Variants in PHACTR2 observed in about 807,000 individuals in gnomAD.
PHACTR2 encodes the protein chromosome 6 open reading frame 56.
Under a neutral mutation model 76.0 loss-of-function variants are expected in PHACTR2, and 30 were observed. The observed-to-expected ratio is 0.39, with a 90% CI of 0.30 to 0.54. PHACTR2 has a LOEUF of 0.54. PHACTR2 is among the 20% of genes least tolerant of loss of function. The probability of loss-of-function intolerance (pLI) is 0.61; values close to 1 mark genes in which losing one functional copy is unlikely to be tolerated. For missense variants in PHACTR2, 696 were observed against 781.1 expected, an observed-to-expected ratio of 0.89 and a Z score of 1.30; for synonymous variants, 292 against 292.5, an observed-to-expected ratio of 1.00 and a Z score of 0.02.
chr6:143,805,963 G>A (rs1776054374), intron 11 of PHACTR2, among the ~76,000 whole-genome samples: 1 of 152,130 alleles, frequency 6.6e-6, no homozygotes, highest in South Asian at 2.1e-4. Context: ...CAACCACAAA[G>A]AAGACTTTTT....
At chr6:143,699,884 G>A (rs1168442537) in intron 1 of PHACTR2, among the ~76,000 whole-genome samples, 1 of 152,126 alleles carries the variant, frequency 6.6e-6, no homozygotes, top group Admixed American at 6.5e-5. Flanking sequence ...GGGAGCCTTG[G>A]GGACTCCGTA....
intron 2 of PHACTR2, among the ~76,000 whole-genome samples, chr6:143,717,107 C>T (rs1471134591): frequency 6.6e-6 from 1 of 152,196 alleles, no homozygotes; most frequent in Non-Finnish European, 1.5e-5. Context: ...TCTATTCGTC[C>T]ATAGCTCTTG....
At chr6:143,563,958 C>G (rs1041676828) in intron 1 of PHACTR2, among the ~76,000 whole-genome samples, 1 of 151,686 alleles carries the variant, frequency 6.6e-6, no homozygotes, top group Non-Finnish European at 1.5e-5. Context: ...GAGCTGAGAT[C>G]GTGTCACTGC....
chr6:143,587,453 C>T (rs1009747326), intron 1 of PHACTR2, among the ~76,000 whole-genome samples: 5 of 151,904 alleles, frequency 3.3e-5, no homozygotes, highest in African/African-American at 9.7e-5. Context: ...CATACTAGAG[C>T]GATACAATAA....
chr6:143,619,926 T>C lies in PHACTR2; in HGVS notation c.13+11604T>C, dbSNP rs146411666. Among the ~76,000 whole-genome samples the C allele has an allele frequency of 6.6e-6, 1 of 151,352 alleles. No homozygotes were observed. The highest frequency in any genetic ancestry group is 1.9e-4 in the East Asian group (1 of 5,182). On this transcript the variant is annotated intron_variant, in intron 1 of 11. Transcript: ENST00000305766. The surrounding 1 kb of genome is among the most constrained non-coding windows in gnomAD (Gnocchi z 4.5). Reference sequence around the variant, plus strand: ...TCACAGCGCCGATCATGCTTGCTTGTGGTACTTACAGAACATGTCACTCGG... The same window carrying C: ...TCACAGCGCCGATCATGCTTGCTTGCGGTACTTACAGAACATGTCACTCGG...
intron 11 of PHACTR2, among the ~76,000 whole-genome samples, chr6:143,799,591 G>C (rs1007157364): frequency 2.0e-5 from 3 of 152,142 alleles, no homozygotes; most frequent in Non-Finnish European, 2.9e-5. Flanking sequence ...TTGTGTCTTT[G>C]TTCTCATTGG....
At chr6:143,606,284 T>C (rs1775869497), upstream of PHACTR2, among the ~76,000 whole-genome samples, 1 of 152,194 alleles carries the variant, frequency 6.6e-6, no homozygotes, top group African/African-American at 2.4e-5. Flanking sequence ...TAAAACTTTC[T>C]GGATTTTAGA....
At chr6:143,563,624 T>C (rs1018646924) in intron 1 of PHACTR2, among the ~76,000 whole-genome samples, 1 of 151,610 alleles carries the variant, frequency 6.6e-6, no homozygotes, top group African/African-American at 2.4e-5. Context: ...ATCAGTAAGA[T>C]TCCATCAACA....
At chr6:143,540,200 T>C (rs1032036726) in intron 1 of PHACTR2, among the ~76,000 whole-genome samples, 1 of 152,214 alleles carries the variant, frequency 6.6e-6, no homozygotes, top group Non-Finnish European at 1.5e-5. Flanking sequence ...TAAGGGATAA[T>C]TTCTAATCAT....
At position 143,739,188 on chromosome 6, in the gene PHACTR2, C is replaced by T. The variant is rs1246129066; in HGVS notation, c.215-9797C>T. On this transcript the variant is annotated intron_variant, in intron 2 of 12. Coordinates refer to ENST00000440869, the MANE Select transcript of PHACTR2 (RefSeq NM_001100164.2). This position sits in a 1 kb window ranked among gnomAD's most constrained non-coding sequence, Gnocchi z 4.3. ...CACTCCGTTCTCCTGCCTCAGCCTC[C>T]CAAGTAGCTGGGACTATAGGCGTGC... 1.3e-5 allele frequency among the ~76,000 whole-genome samples: 2 copies of T among 152,180 alleles called. No individual in the cohort carries two copies. The highest frequency in any genetic ancestry group is 2.9e-5 in the Non-Finnish European group (2 of 68,032).
Position 143,829,732 on chromosome 6 carries a change from T to G in PHACTR2, c.*6043T>G, listed in dbSNP as rs1366658978. On this transcript the variant is annotated 3_prime_UTR_variant, in exon 13 of 13. Transcript: ENST00000440869. ...TGTGGCTAGCAAAATGGAATTAACT[T>G]AGCCACTATAATTTTTTAAAACATT... 1 of 152,268 alleles carries G rather than the reference T, an allele frequency of 6.6e-6. No individual in the cohort carries two copies. The highest frequency in any genetic ancestry group is 1.9e-4 in the East Asian group (1 of 5,208). The allele number at this position is 152,268 out of a possible 1,614,324, so 9.4% of individuals were successfully genotyped here.
chr6:143,559,690 C>CTTTTTTTTTTTTT (rs5880566), intron 1 of PHACTR2, among the ~76,000 whole-genome samples: 5 of 31,902 alleles, frequency 1.6e-4, no homozygotes, highest in Admixed American at 6.1e-4. Context: ...TTTTTCTTTT[C>CTTTTTTTTTTTTT]TTTTTTTTTT....
chr6:143,740,985 A>T (rs982270216), intron 2 of PHACTR2, among the ~76,000 whole-genome samples: 1 of 152,254 alleles, frequency 6.6e-6, no homozygotes, highest in African/African-American at 2.4e-5. Flanking sequence ...GCAGTGGCTC[A>T]CGCCTGTCAT....
rs2128476583 is a variant in PHACTR2, at chr6:143,777,444, A to T, written c.1645+61A>T. 1 of 824,698 alleles carries T rather than the reference A, an allele frequency of 1.2e-6. No homozygotes were observed. The highest frequency in any genetic ancestry group is 1.9e-6 in the Non-Finnish European group (1 of 520,898). The allele number at this position is 824,698 out of a possible 1,614,324, so 51.1% of individuals were successfully genotyped here. On this transcript the variant is annotated intron_variant, in intron 9 of 12. Coordinates refer to ENST00000440869, the MANE Select transcript of PHACTR2 (RefSeq NM_001100164.2). The surrounding 1 kb of genome is among the most constrained non-coding windows in gnomAD (Gnocchi z 4.6). ...AATCGCTAACAAGCTGCCTCTACAGATGATCGATTTATCAGTAAGAAACCA... is the reference window on the plus strand; with the variant it reads ...AATCGCTAACAAGCTGCCTCTACAGTTGATCGATTTATCAGTAAGAAACCA...
At chr6:143,817,404 C>A (rs1056956244) in intron 12 of PHACTR2, among the ~76,000 whole-genome samples, 2 of 152,172 alleles carry the variant, frequency 1.3e-5, no homozygotes, top group East Asian at 3.8e-4. Context: ...GTACAATGCA[C>A]TGTGTTGTCA....
rs555754886 is a variant in PHACTR2, at chr6:143,755,800, G to A, written c.454+1888G>A. Among the ~76,000 whole-genome samples, 4 of 152,160 alleles carry A rather than the reference G, an allele frequency of 2.6e-5. No individual in the cohort carries two copies. In the South Asian group the frequency reaches 6.2e-4, roughly 24 times the overall value. On this transcript the variant is annotated intron_variant, in intron 4 of 12. Transcript: ENST00000440869. This position sits in a 1 kb window ranked among gnomAD's most constrained non-coding sequence, Gnocchi z 5.2. ...TTCGTGAGACTGAAAAGAATGTCAC[G>A]CATAACTAATATTACAGTGTATTAT...
At position 143,546,522 on chromosome 6, in the gene PHACTR2, AT is replaced by A. The variant is rs1221608954; in HGVS notation, c.217+9316del. Among the ~76,000 whole-genome samples the A allele has an allele frequency of 6.6e-6, 1 of 152,158 alleles. No homozygotes were observed. The highest frequency in any genetic ancestry group is 2.4e-5 in the African/African-American group (1 of 41,426). ...GTCAGGTCATCAATGTTGATTTATGATCTTTTTTGTTTTATGTATATTTTCA... is the reference window on the plus strand; with the variant it reads ...GTCAGGTCATCAATGTTGATTTATGACTTTTTTGTTTTATGTATATTTTCA... On this transcript the variant is annotated intron_variant, in intron 1 of 11. Coordinates refer to the PHACTR2 transcript ENST00000367584. This position sits in a 1 kb window ranked among gnomAD's most constrained non-coding sequence, Gnocchi z 4.9.
chr6:143,595,460 G>A lies in PHACTR2; in HGVS notation c.217+58253G>A, dbSNP rs1775738157. ...TCATGAGAATTCTATGGTGCTGACTGCATTTGGAGCTTAATTATTTAAATG... is the reference window on the plus strand; with the variant it reads ...TCATGAGAATTCTATGGTGCTGACTACATTTGGAGCTTAATTATTTAAATG... On this transcript the variant is annotated intron_variant, in intron 1 of 11. Transcript: ENST00000367584. This position sits in a 1 kb window ranked among gnomAD's most constrained non-coding sequence, Gnocchi z 4.2. Among the ~76,000 whole-genome samples, 1 of 152,226 alleles carries A rather than the reference G, an allele frequency of 6.6e-6. No individual in the cohort carries two copies. The highest frequency in any genetic ancestry group is 1.5e-5 in the Non-Finnish European group (1 of 68,044).
At chr6:143,606,147 A>G (rs1199186534), upstream of PHACTR2, among the ~76,000 whole-genome samples, 1 of 152,210 alleles carries the variant, frequency 6.6e-6, no homozygotes, top group Non-Finnish European at 1.5e-5. Context: ...ATAATATTAA[A>G]CATTTCTGTA....
Sources: allele counts gnomAD v4.1 joint callset (sites outside exome capture counted in the v4.1 genomes callset), GRCh38; gene constraint gnomAD v4.1.1; non-coding constraint Gnocchi (gnomAD v3.1); transcripts MANE v1.5; gene names NCBI Gene and HGNC (gene_info 2026-07-23, HGNC 2026-07-21).